The following DPRX variants were observed in gnomAD, a reference collection of about 807,000 sequenced individuals.
DPRX encodes the protein divergent-paired related homeobox, also known as divergent paired-related homeobox.
Under a neutral mutation model 8.4 loss-of-function variants are expected in DPRX, and 11 were observed. That is an observed-to-expected ratio of 1.31 (90% CI 0.82 to 2.17). The LOEUF (loss-of-function observed/expected upper bound fraction) is 2.17, where lower values mean the gene tolerates loss of function less well. Among genes scored for constraint, DPRX ranks in the 30% most tolerant of loss-of-function variants. The probability of loss-of-function intolerance (pLI) is 0.00; values close to 1 mark genes in which losing one functional copy is unlikely to be tolerated. For missense variants in DPRX, 211 were observed against 236.7 expected (o/e 0.89, Z 0.71); for synonymous variants, 72 against 87.0 (o/e 0.83, Z 0.96).
the DPRX span, among the ~76,000 whole-genome samples, chr19:53,623,652 A>AG: frequency 2.8e-5 from 4 of 143,356 alleles, no homozygotes; most frequent in Non-Finnish European, 4.6e-5. Context: ...AAAAACAAAA[A>AG]GCCATTCCTG....
chr19:53,614,351 C>T, the DPRX span, among the ~76,000 whole-genome samples: 1 of 152,094 alleles, frequency 6.6e-6, no homozygotes, highest in Non-Finnish European at 1.5e-5. Context: ...GAGTTTGAGG[C>T]AGCAATGAGC....
At chr19:53,601,285 C>A in the DPRX span, 2 of 456,348 alleles carry the variant, frequency 4.4e-6, no homozygotes, top group Non-Finnish European at 8.8e-6. Flanking sequence ...CCAGACTCCA[C>A]ATTGGGCCCA....
the DPRX span, among the ~76,000 whole-genome samples, chr19:53,624,079 CTTTTTTTT>C: frequency 5.4e-5 from 5 of 93,288 alleles, no homozygotes; most frequent in African/African-American, 8.5e-5. Flanking sequence ...ATTGTTGTAC[CTTTTTTTT>C]TTTTTTTTTT....
At chr19:53,628,127 A>G (rs2091078169), upstream of DPRX, among the ~76,000 whole-genome samples, 1 of 152,068 alleles carries the variant, frequency 6.6e-6, no homozygotes, top group Admixed American at 6.6e-5. Context: ...AAGGGGCAAA[A>G]GTATACCCAA....
chr19:53,628,744 C>T (rs968985335), upstream of DPRX, among the ~76,000 whole-genome samples: 18 of 151,966 alleles, frequency 1.2e-4, no homozygotes, highest in South Asian at 1.0e-3. Flanking sequence ...CATGTGCCAC[C>T]GCACCCGGCT....
chr19:53,612,839 C>T, the DPRX span, among the ~76,000 whole-genome samples: 47 of 152,184 alleles, frequency 3.1e-4, no homozygotes, highest in Admixed American at 6.6e-4. Context: ...GTCGGGCGGA[C>T]GGGGAACCCA....
chr19:53,610,522 A>G, the DPRX span, among the ~76,000 whole-genome samples: 1 of 152,192 alleles, frequency 6.6e-6, no homozygotes. Flanking sequence ...ACCCTAAGTG[A>G]AATATTGCCA....
upstream of DPRX, chr19:53,629,657 T>C (rs1008503926): frequency 1.3e-5 from 2 of 151,902 alleles, no homozygotes; most frequent in Admixed American, 6.6e-5. Context: ...AAAAATGTGG[T>C]TTAAAATTGT....
the DPRX span, chr19:53,617,038 G>A: frequency 3.5e-5 from 43 of 1,230,034 alleles, no homozygotes; most frequent in South Asian, 5.2e-4. Flanking sequence ...GGCCTACAGA[G>A]TAAGTGGACA....
the DPRX span, chr19:53,601,483 CTTT>C: frequency 4.3e-3 from 1,315 of 306,076 alleles, no homozygotes; most frequent in South Asian, 6.7e-3. Context: ...AATGCCTATT[CTTT>C]TTTTTTTTTT....
chr19:53,628,881 C>A (rs889525401), upstream of DPRX, among the ~76,000 whole-genome samples: 3 of 151,730 alleles, frequency 2.0e-5, no homozygotes, highest in Non-Finnish European at 2.9e-5. Context: ...AGCCACCATG[C>A]CTGGCCCCAA....
upstream of DPRX, chr19:53,631,992 A>T: frequency 1.4e-6 from 2 of 1,420,604 alleles, no homozygotes; most frequent in East Asian, 2.3e-5. Context: ...GGGCAGAGAA[A>T]GGTGGAGGAG....
the DPRX span, among the ~76,000 whole-genome samples, chr19:53,602,361 CTT>C: frequency 3.1e-4 from 41 of 130,552 alleles, no homozygotes; most frequent in Admixed American, 6.2e-4. Context: ...CACCCAAATA[CTT>C]TTTTTTTTTT....
At chr19:53,626,838 A>G in the DPRX span, among the ~76,000 whole-genome samples, 1 of 152,074 alleles carries the variant, frequency 6.6e-6, no homozygotes, top group Admixed American at 6.6e-5. Flanking sequence ...AGCTGGGATT[A>G]TAGGCGCCTG....
chr19:53,612,631 C>T, the DPRX span, among the ~76,000 whole-genome samples: 7 of 151,850 alleles, frequency 4.6e-5, no homozygotes, highest in South Asian at 1.5e-3. Flanking sequence ...GGCTTGAACC[C>T]GGGAGGCGGA....
upstream of DPRX, among the ~76,000 whole-genome samples, chr19:53,628,636 C>A (rs1266264833): frequency 1.3e-5 from 2 of 151,700 alleles, no homozygotes; most frequent in African/African-American, 4.8e-5. Context: ...CTTGCCCGGG[C>A]AGGAGGGCAA....
upstream of DPRX, among the ~76,000 whole-genome samples, chr19:53,630,568 T>C (rs2091088783): frequency 6.6e-6 from 1 of 151,816 alleles, no homozygotes; most frequent in African/African-American, 2.4e-5. Context: ...GGGGCAAATG[T>C]AGGAGGATCA....
the DPRX span, among the ~76,000 whole-genome samples, chr19:53,607,678 C>A: frequency 7.1e-6 from 1 of 141,562 alleles, no homozygotes; most frequent in Non-Finnish European, 1.5e-5. Context: ...ATGGTGAAAC[C>A]CCGTCTCTAC....
chr19:53,615,848 A>G, the DPRX span, among the ~76,000 whole-genome samples: 1 of 151,980 alleles, frequency 6.6e-6, no homozygotes, highest in East Asian at 1.9e-4. Flanking sequence ...CACACCTGCA[A>G]TCCTAGCACT....
Sources: gnomAD v4.1 joint callset for allele counts (sites outside exome capture counted in the v4.1 genomes callset) on GRCh38, gnomAD v4.1.1 for gene constraint, MANE v1.5 for transcripts, NCBI Gene and HGNC (gene_info 2026-07-23, HGNC 2026-07-21) for gene names.